Variants in DHRS4 observed in about 807,000 individuals in gnomAD.
DHRS4 encodes the protein dehydrogenase/reductase 4.
DHRS4 carries 20 observed loss-of-function variants against 28.4 expected under a neutral mutation model. The observed-to-expected ratio is 0.71, with a 90% CI of 0.50 to 1.02. The LOEUF (loss-of-function observed/expected upper bound fraction) is 1.02. DHRS4 is among the 50% of genes least tolerant of loss of function. DHRS4 has a pLI of 0.00. For synonymous variants in DHRS4, 144 were observed against 146.4 expected, an observed-to-expected ratio of 0.98 and a Z score of 0.12; for missense variants, 378 against 367.2, an observed-to-expected ratio of 1.03 and a Z score of -0.24.
chr14:23,955,972 A>C (rs1291462847), intron 2 of DHRS4, among the ~76,000 whole-genome samples: 1 of 152,224 alleles, frequency 6.6e-6, no homozygotes, highest in African/African-American at 2.4e-5. Context: ...GGGAGAATCT[A>C]CCCAAAAATG....
At chr14:23,960,448 G>A (rs2033371279) in intron 3 of DHRS4, among the ~76,000 whole-genome samples, 2 of 151,766 alleles carry the variant, frequency 1.3e-5, no homozygotes, top group Admixed American at 1.3e-4. Context: ...TACTAATTCT[G>A]GTGAAATGAC....
intron 3 of DHRS4, 51 bp downstream of exon 3, chr14:23,960,054 T>A (rs1383238318): frequency 6.5e-7 from 1 of 1,548,920 alleles, no homozygotes; most frequent in Non-Finnish European, 8.9e-7. Context: ...TGGAACACAT[T>A]CAGCACAAAC....
intron 2 of DHRS4, among the ~76,000 whole-genome samples, chr14:23,958,515 C>A (rs2033267651): frequency 6.6e-6 from 1 of 152,158 alleles, no homozygotes; most frequent in African/African-American, 2.4e-5. Context: ...TCACTATCTA[C>A]TTATAACTTA....
At position 23,960,100 on chromosome 14, in the gene DHRS4, T is replaced by A. The variant is rs891569246; in HGVS notation, c.408+97T>A. 5.8e-6 allele frequency: 7 copies of A among 1,199,552 alleles called. No homozygotes were observed. In the Admixed American group the frequency reaches 1.2e-4, roughly 21 times the overall value. The allele number at this position is 1,199,552 out of a possible 1,614,324, so 74.3% of individuals were successfully genotyped here. On this transcript the variant is annotated intron_variant, in intron 3 of 7. Coordinates refer to ENST00000313250, the MANE Select transcript of DHRS4 (RefSeq NM_021004.4). ...TTTAGAATGCATTTCTCAAGGGCAG[T>A]GTAAATGTGAGGACTCTTTGCCACG...
intron 5 of DHRS4, 105 bp from the exon 6 acceptor site, chr14:23,966,178 C>G: frequency 6.3e-7 from 1 of 1,574,850 alleles, no homozygotes; most frequent in African/African-American, 1.4e-5. Flanking sequence ...AACTCTGCCC[C>G]TCCCTTACAG....
intron 3 of DHRS4, among the ~76,000 whole-genome samples, chr14:23,961,175 A>T (rs2033400159): frequency 6.6e-6 from 1 of 150,858 alleles, no homozygotes; most frequent in Admixed American, 6.6e-5. Flanking sequence ...ATCAGATGTC[A>T]TCAAAATTTC....
intron 2 of DHRS4, among the ~76,000 whole-genome samples, chr14:23,959,238 G>A (rs910190472): frequency 2.0e-5 from 3 of 152,144 alleles, no homozygotes; most frequent in Admixed American, 6.6e-5. Flanking sequence ...AGACAGCCTT[G>A]GAAGAATAGG....
In DHRS4 at chr14:23,963,930, G is replaced by C. The variant is rs915058260; in HGVS notation, c.409-1832G>C. ...AATGTAAATGTGTCTCAGGGAATAT[G>C]GAGGCCCACAGAGAGGGAGAGAGAT... On this transcript the variant is annotated intron_variant, in intron 3 of 7. Coordinates refer to ENST00000313250, the MANE Select transcript of DHRS4 (RefSeq NM_021004.4). Among the ~76,000 whole-genome samples the C allele has an allele frequency of 8.6e-5, 13 of 151,094 alleles. 1 individual carries two copies. Among genetic ancestry groups the C allele is most frequent in the Admixed American group, 7.2e-4 (11 of 15,226 alleles).
Position 23,953,891 on chromosome 14 carries a change from G to A in DHRS4, c.103G>A (p.Ala35Thr). 6.2e-7 allele frequency: 1 copy of A among 1,606,166 alleles called. No homozygotes were observed. The highest frequency in any genetic ancestry group is 8.5e-7 in the Non-Finnish European group (1 of 1,176,604). ...CCGGGACCCGCTCGCAAATAAGGTG[G>A]CCCTGGTAACGGCCTCCACCGACGG... ...TRRDPLANKVALVTASTDGIG... is the reference protein window; with the variant it reads ...TRRDPLANKVTLVTASTDGIG... The change falls in exon 1 of 8, where the codon GCC (alanine) becomes ACC (threonine). Residue 35 changes from alanine to threonine, a missense_variant. By Grantham distance (58) the Ala-to-Thr change is moderately conservative (BLOSUM62 0). Transcript: ENST00000313250.
rs547603662 is a variant in DHRS4, at chr14:23,967,173, A to AAAAAG, written c.667-34_667-33insGAAAA. On this transcript the variant is annotated intron_variant, in intron 6 of 7. Transcript: ENST00000313250. Reference sequence around the variant, plus strand: ...CGTCTCTAAAAAGAAAAAGAAAAAGAAAAAAAAAACATAAAGAGATTTCCC... The same window carrying AAAAAG: ...CGTCTCTAAAAAGAAAAAGAAAAAGAAAAAGAAAAAAAAACATAAAGAGATTTCCC... The AAAAAG allele has an allele frequency of 2.0e-5, 14 of 711,496 alleles. No homozygotes were observed. The East Asian group carries it at 2.4e-4, about 12-fold the overall frequency. 44.1% of individuals were successfully genotyped at this position (711,496 alleles called of 1,614,324 possible).
intron 3 of DHRS4, among the ~76,000 whole-genome samples, chr14:23,965,010 A>C (rs1279381057): frequency 4.0e-5 from 6 of 151,768 alleles, no homozygotes; most frequent in Non-Finnish European, 7.4e-5. Flanking sequence ...GTACAGATCT[A>C]CAGAGAGGAC....
intron 2 of DHRS4, among the ~76,000 whole-genome samples, chr14:23,957,731 A>AT (rs1198811664): frequency 6.8e-6 from 1 of 147,822 alleles, no homozygotes; most frequent in Non-Finnish European, 1.5e-5. Flanking sequence ...CATTTTTTAA[A>AT]TTTTTTGTAG....
chr14:23,954,439 A>T (rs2033002488), intron 1 of DHRS4, among the ~76,000 whole-genome samples: 1 of 152,058 alleles, frequency 6.6e-6, no homozygotes, highest in Non-Finnish European at 1.5e-5. Flanking sequence ...CTCACCCACC[A>T]TTCTTGTCTA....
chr14:23,959,897 T>G lies in DHRS4; in HGVS notation c.307-5T>G, dbSNP rs370437141. On this transcript the variant is annotated splice_polypyrimidine_tract_variant and splice_region_variant and intron_variant, in intron 2 of 7. Coordinates refer to ENST00000313250, the MANE Select transcript of DHRS4 (RefSeq NM_021004.4). Reference sequence around the variant, plus strand: ...CCCTGGTCCAGAACTTACCCCTCTCTCTAGGCTGTGAAGCTTCATGGAGGT... The same window carrying G: ...CCCTGGTCCAGAACTTACCCCTCTCGCTAGGCTGTGAAGCTTCATGGAGGT... 7.4e-6 allele frequency: 12 copies of G among 1,613,180 alleles called. No individual in the cohort carries two copies. The Admixed American group carries it at 2.0e-4, about 27-fold the overall frequency.
rs1449756596 is a variant in DHRS4 at position 23,964,795 on chromosome 14, C to G, written c.409-967C>G. 9.5e-5 allele frequency among the ~76,000 whole-genome samples: 14 copies of G among 146,876 alleles called. No individual in the cohort carries two copies. The East Asian group carries it at 2.6e-3, about 28-fold the overall frequency. On this transcript the variant is annotated intron_variant, in intron 3 of 7. Transcript: ENST00000313250. Reference sequence around the variant, plus strand: ...TTTGCCATGTTGCCCAGGCTGTTCTCGAACTCCTGACCTAAAAGTGATCCA... The same window carrying G: ...TTTGCCATGTTGCCCAGGCTGTTCTGGAACTCCTGACCTAAAAGTGATCCA...
At chr14:23,956,910 CTT>C (rs2033199616) in intron 2 of DHRS4, among the ~76,000 whole-genome samples, 1 of 152,108 alleles carries the variant, frequency 6.6e-6, no homozygotes, top group Admixed American at 6.5e-5. Flanking sequence ...GCCATAGCTT[CTT>C]AAAAGGATAC....
In DHRS4 at chr14:23,966,534, G is replaced by A. The variant is rs1466264780; in HGVS notation, c.666+117G>A. ...TCAGCCACTCCATTCTCCTTCCCTG[G>A]ACTTTCCCATATTCCCTCTCTGTAC... is the stretch of plus-strand genomic sequence containing the variant. On this transcript the variant is annotated intron_variant, in intron 6 of 7. Transcript: ENST00000313250. 4.6e-6 allele frequency: 7 copies of A among 1,520,448 alleles called. No homozygotes were observed. The South Asian group carries it at 5.1e-5, about 11-fold the overall frequency. The allele number at this position is 1,520,448 out of a possible 1,614,324, so 94.2% of individuals were successfully genotyped here.
intron 3 of DHRS4, among the ~76,000 whole-genome samples, chr14:23,964,211 T>C (rs2033522438): frequency 1.6e-5 from 1 of 62,678 alleles, no homozygotes; most frequent in East Asian, 5.3e-4. Flanking sequence ...GCCACGAAAC[T>C]GCAATTTGTA....
At chr14:23,965,469 C>G (rs1023346399) in intron 3 of DHRS4, among the ~76,000 whole-genome samples, 1 of 126,236 alleles carries the variant, frequency 7.9e-6, no homozygotes, top group Non-Finnish European at 1.6e-5. Context: ...AAACACAGCT[C>G]AAATCCAAAG....
Sources: allele counts gnomAD v4.1 joint callset (sites outside exome capture counted in the v4.1 genomes callset), GRCh38; gene constraint gnomAD v4.1.1; transcripts MANE v1.5; gene names NCBI Gene and HGNC (gene_info 2026-07-23, HGNC 2026-07-21).